AKT3: variants seen among roughly 807,000 people sequenced by gnomAD.
AKT3 encodes the protein RAC-gamma serine/threonine-protein kinase.
AKT3 carries 15 observed loss-of-function variants against 65.3 expected under a neutral mutation model. The observed-to-expected ratio is 0.23, with a 90% CI of 0.15 to 0.35. The LOEUF (loss-of-function observed/expected upper bound fraction) is 0.35. AKT3 is among the 10% of genes least tolerant of loss of function. AKT3 has a pLI of 1.00. For synonymous variants in AKT3, 206 were observed against 183.8 expected (o/e 1.12, Z -0.98); for missense variants, 243 against 576.5 (o/e 0.42, Z 5.92).
chr1:243,635,475 G>T (rs1679907620), intron 6 of AKT3, among the ~76,000 whole-genome samples: 1 of 151,844 alleles, frequency 6.6e-6, no homozygotes, highest in Non-Finnish European at 1.5e-5. Context: ...CCAAAAGTTG[G>T]TTCTTTGAAA....
chr1:243,683,659 A>AG (rs1684078256), intron 3 of AKT3, among the ~76,000 whole-genome samples: 1 of 152,126 alleles, frequency 6.6e-6, no homozygotes, highest in South Asian at 2.1e-4. Flanking sequence ...TGAGACAGAA[A>AG]GGGGGGAAGG....
intron 6 of AKT3, among the ~76,000 whole-genome samples, chr1:243,623,285 G>A (rs1394026342): frequency 2.0e-5 from 3 of 152,156 alleles, no homozygotes; most frequent in Admixed American, 2.0e-4. Flanking sequence ...GGACACCAAG[G>A]CTCAGGTAAG....
intron 12 of AKT3, among the ~76,000 whole-genome samples, chr1:243,522,232 T>C (rs1387465808): frequency 2.0e-5 from 3 of 152,216 alleles, no homozygotes; most frequent in Non-Finnish European, 4.4e-5. Flanking sequence ...ACATCAGCAG[T>C]GTGGCAGCCA....
chr1:243,593,275 A>C (rs1676361613), intron 8 of AKT3, among the ~76,000 whole-genome samples: 1 of 152,240 alleles, frequency 6.6e-6, no homozygotes, highest in African/African-American at 2.4e-5. Context: ...AAACTTAACA[A>C]AACTTCTCTA....
At chr1:243,672,337 T>C (rs1042576161) in intron 3 of AKT3, among the ~76,000 whole-genome samples, 1 of 152,166 alleles carries the variant, frequency 6.6e-6, no homozygotes, top group Non-Finnish European at 1.5e-5. Flanking sequence ...AAGTTAATGA[T>C]TAAAAAAAGT....
At chr1:243,807,178 C>T (rs1019549213) in intron 2 of AKT3, among the ~76,000 whole-genome samples, 4 of 152,176 alleles carry the variant, frequency 2.6e-5, no homozygotes, top group African/African-American at 9.6e-5. Flanking sequence ...GATTGTCGGA[C>T]AGTGGGTGCA....
rs536278141 is a variant in AKT3 at position 243,838,140 on chromosome 1, T to C, written c.46+4985A>G. On this transcript the variant is annotated intron_variant, in intron 2 of 13. Coordinates refer to ENST00000673466, the MANE Select transcript of AKT3 (RefSeq NM_005465.7). ...TTCAAAATGTATATGAAAGCTTATT[T>C]GATGGTTTGCTCCATGTGGTTCTAT... is the stretch of plus-strand genomic sequence containing the variant. Among the ~76,000 whole-genome samples the C allele has an allele frequency of 7.2e-5, 11 of 152,296 alleles. No individual in the cohort carries two copies. In the South Asian group the frequency reaches 2.3e-3, roughly 32 times the overall value.
chr1:243,845,656 T>A (rs1470312960), intron 1 of AKT3, among the ~76,000 whole-genome samples: 1 of 150,046 alleles, frequency 6.7e-6, no homozygotes, highest in African/African-American at 2.5e-5. Context: ...TTTTGTAATA[T>A]GCATGTAAAA....
intron 3 of AKT3, among the ~76,000 whole-genome samples, chr1:243,665,555 A>C (rs778950822): frequency 1.5e-4 from 23 of 152,198 alleles, no homozygotes; most frequent in Admixed American, 6.5e-5. Context: ...ATGAGCCTAA[A>C]GTATGGATTC....
chr1:243,785,269 G>A (rs1211402684), intron 2 of AKT3, among the ~76,000 whole-genome samples: 1 of 149,136 alleles, frequency 6.7e-6, no homozygotes, highest in South Asian at 2.1e-4. Flanking sequence ...TAGTAGACAC[G>A]GGGTTTCACC....
intron 8 of AKT3, 152 bp from the exon 9 acceptor site, chr1:243,573,200 A>C: frequency 1.1e-6 from 1 of 886,988 alleles, no homozygotes; most frequent in Non-Finnish European, 1.6e-6. Flanking sequence ...CAGCTGGCTT[A>C]TCTTTTCCAG....
Position 243,503,479 on chromosome 1 carries a change from A to G in AKT3, c.*1770T>C, listed in dbSNP as rs1195867554. On this transcript the variant is annotated 3_prime_UTR_variant, in exon 14 of 14. Transcript: ENST00000673466. ...CAGAGTTTAACTAAAATACATTTCC[A>G]TGATCACTCCGCGGAGTAGGATGGC... The G allele has an allele frequency of 8.6e-6, 2 of 233,362 alleles. No homozygotes were observed. The highest frequency in any genetic ancestry group is 4.4e-5 in the African/African-American group (2 of 45,320). The allele number at this position is 233,362 out of a possible 1,614,324, so 14.5% of individuals were successfully genotyped here.
chr1:243,677,345 TG>T (rs1451573131), intron 3 of AKT3, among the ~76,000 whole-genome samples: 1 of 152,208 alleles, frequency 6.6e-6, no homozygotes, highest in Non-Finnish European at 1.5e-5. Context: ...CTGTTTTGAG[TG>T]GAACTCCTTA....
At chr1:243,683,186 A>C (rs945394824) in intron 3 of AKT3, among the ~76,000 whole-genome samples, 3 of 152,194 alleles carry the variant, frequency 2.0e-5, no homozygotes, top group African/African-American at 7.2e-5. Context: ...AATGGGGAGC[A>C]TAATACTTAC....
At chr1:243,794,262 C>T (rs1399286264) in intron 2 of AKT3, 2 of 152,256 alleles carry the variant, frequency 1.3e-5, no homozygotes, top group South Asian at 2.1e-4. Flanking sequence ...TCTCAAACTT[C>T]TGGACTCAAG....
At chr1:243,600,232 C>T (rs1459231069) in intron 8 of AKT3, among the ~76,000 whole-genome samples, 2 of 151,928 alleles carry the variant, frequency 1.3e-5, no homozygotes, top group Non-Finnish European at 2.9e-5. Flanking sequence ...GTCAATTCTC[C>T]CCAAATTGAT....
chr1:243,745,050 G>T (rs1480657942), intron 2 of AKT3, among the ~76,000 whole-genome samples: 1 of 152,242 alleles, frequency 6.6e-6, no homozygotes, highest in Admixed American at 6.5e-5. Flanking sequence ...AAGTAGGCTG[G>T]GGGCAGTGGC....
chr1:243,705,137 T>A (rs969037930), intron 2 of AKT3, among the ~76,000 whole-genome samples: 2 of 152,258 alleles, frequency 1.3e-5, no homozygotes. Flanking sequence ...GCATAATGCA[T>A]GAACTTGTCA....
chr1:243,820,733 A>AAAAAGGAATG (rs1200784616), intron 2 of AKT3, among the ~76,000 whole-genome samples: 1 of 152,170 alleles, frequency 6.6e-6, no homozygotes, highest in Admixed American at 6.5e-5. Flanking sequence ...AAGATTAGAG[A>AAAAAGGAATG]AAAAGGAATG....
Sources: allele counts gnomAD v4.1 joint callset (sites outside exome capture counted in the v4.1 genomes callset), GRCh38; gene constraint gnomAD v4.1.1; transcripts MANE v1.5; gene names NCBI Gene and HGNC (gene_info 2026-07-23, HGNC 2026-07-21).